The following GRM8 variants were observed in gnomAD, a reference collection of about 807,000 sequenced individuals.
GRM8 encodes glutamate metabotropic receptor 8.
A neutral mutation model predicts 87.2 loss-of-function variants in GRM8; 47 were observed. That is an observed-to-expected ratio of 0.54 (90% CI 0.43 to 0.69). GRM8 has a LOEUF of 0.69. GRM8 is among the 30% of genes least tolerant of loss of function. The probability of loss-of-function intolerance (pLI) is 0.00; values close to 1 mark genes in which losing one functional copy is unlikely to be tolerated. For synonymous variants in GRM8, 396 were observed against 404.5 expected, an observed-to-expected ratio of 0.98 and a Z score of 0.25; for missense variants, 1,019 against 1,139.2, an observed-to-expected ratio of 0.89 and a Z score of 1.52.
intron 6 of GRM8, among the ~76,000 whole-genome samples, chr7:126,783,949 G>C (rs1820363233): frequency 6.6e-6 from 1 of 152,172 alleles, no homozygotes; most frequent in Non-Finnish European, 1.5e-5. Context: ...TATAGCCTCA[G>C]ATCAAAAACT....
intron 1 of GRM8, among the ~76,000 whole-genome samples, chr7:127,251,375 A>C (rs1027048227): frequency 1.3e-5 from 2 of 151,968 alleles, no homozygotes; most frequent in African/African-American, 2.4e-5. Flanking sequence ...TTTTTTCACC[A>C]ACTGTACGAA....
intron 3 of GRM8, among the ~76,000 whole-genome samples, chr7:127,062,059 G>A (rs1245448123): frequency 2.0e-5 from 3 of 151,342 alleles, no homozygotes; most frequent in African/African-American, 7.3e-5. Flanking sequence ...CAGGAGAATT[G>A]CTTGAACCCA....
intron 3 of GRM8, among the ~76,000 whole-genome samples, chr7:127,088,266 T>C (rs1273225209): frequency 6.6e-6 from 1 of 152,168 alleles, no homozygotes; most frequent in Non-Finnish European, 1.5e-5. Context: ...GTCTGCATTC[T>C]GCCACAGATA....
chr7:126,641,115 T>C (rs986424221), intron 7 of GRM8, among the ~76,000 whole-genome samples: 1 of 152,202 alleles, frequency 6.6e-6, no homozygotes, highest in Non-Finnish European at 1.5e-5. Context: ...CATCAGCTTA[T>C]ATTTCATTTT....
intron 7 of GRM8, among the ~76,000 whole-genome samples, chr7:126,725,906 A>C (rs1812914508): frequency 6.6e-6 from 1 of 152,182 alleles, no homozygotes; most frequent in Non-Finnish European, 1.5e-5. Flanking sequence ...GCGAGAGCTC[A>C]CGTGTTATCA....
intron 1 of GRM8, among the ~76,000 whole-genome samples, chr7:127,249,788 C>G (rs1242621874): frequency 6.6e-6 from 1 of 152,174 alleles, no homozygotes; most frequent in Non-Finnish European, 1.5e-5. Flanking sequence ...GTGGCCGTCC[C>G]TATTGAATGA....
chr7:126,925,932 TC>T (rs1285721774), intron 3 of GRM8, among the ~76,000 whole-genome samples: 1 of 152,212 alleles, frequency 6.6e-6, no homozygotes, highest in Non-Finnish European at 1.5e-5. Context: ...CTTCTTATAT[TC>T]TGTTTTCTGT....
chr7:126,617,927 T>C (rs1157674009), intron 7 of GRM8, among the ~76,000 whole-genome samples: 1 of 151,686 alleles, frequency 6.6e-6, no homozygotes. Flanking sequence ...GGGAAGAAAA[T>C]ATCATGAAAA....
chr7:127,081,557 C>T (rs960684465), intron 3 of GRM8, among the ~76,000 whole-genome samples: 2 of 148,782 alleles, frequency 1.3e-5, no homozygotes, highest in East Asian at 1.9e-4. Flanking sequence ...ACCTGGAACC[C>T]GAAGTTAGAA....
chr7:126,473,855 A>G (rs2150567775), intron 9 of GRM8, among the ~76,000 whole-genome samples: 1 of 152,160 alleles, frequency 6.6e-6, no homozygotes, highest in East Asian at 1.9e-4. Context: ...TATAAAGGAC[A>G]GTTACCCTGA....
intron 3 of GRM8, among the ~76,000 whole-genome samples, chr7:126,916,236 C>T (rs576223932): frequency 2.7e-4 from 41 of 152,322 alleles, no homozygotes; most frequent in South Asian, 6.2e-4. Context: ...AAGCCCATTA[C>T]AGAATTAATA....
At chr7:126,602,861 G>A (rs1315751835) in intron 8 of GRM8, among the ~76,000 whole-genome samples, 1 of 133,900 alleles carries the variant, frequency 7.5e-6, no homozygotes. Flanking sequence ...TAGAAAAAGA[G>A]GGAATCCTCC....
chr7:127,055,177 T>C (rs1432594585), intron 3 of GRM8, among the ~76,000 whole-genome samples: 1 of 60,672 alleles, frequency 1.6e-5, no homozygotes, highest in African/African-American at 8.9e-5. Context: ...GGATATTCAA[T>C]TTCTTATACC....
intron 2 of GRM8, among the ~76,000 whole-genome samples, chr7:127,216,434 C>G (rs1209019259): frequency 6.9e-6 from 1 of 145,936 alleles, no homozygotes; most frequent in African/African-American, 2.6e-5. Context: ...AGGAGAATTT[C>G]TTGAACCCAG....
chr7:126,629,799 T>C (rs1801073573), intron 7 of GRM8, among the ~76,000 whole-genome samples: 2 of 152,306 alleles, frequency 1.3e-5, no homozygotes, highest in South Asian at 4.1e-4. Flanking sequence ...GTTTCTATTC[T>C]ACACTGCACG....
At chr7:126,601,160 C>T (rs1367758992) in intron 8 of GRM8, among the ~76,000 whole-genome samples, 1 of 150,242 alleles carries the variant, frequency 6.7e-6, no homozygotes, top group African/African-American at 2.5e-5. Context: ...CAATTCCCAC[C>T]TATGAGTGAG....
chr7:126,482,260 A>C (rs1048959882), intron 9 of GRM8, among the ~76,000 whole-genome samples: 4 of 152,150 alleles, frequency 2.6e-5, no homozygotes, highest in African/African-American at 7.2e-5. Flanking sequence ...CATAAAATTA[A>C]AAATAGAATT....
Position 126,533,588 on chromosome 7 carries a change from G to A in GRM8, c.1794C>T (p.Thr598=). Residue 598 remains threonine, a synonymous_variant, in exon 9 of 11, where the codon ACC becomes ACT. Transcript: ENST00000339582. The part of the protein sequence containing the change: ...VFVAILGIIA[T]TFVIVTFVRY... ...GGACAAAGGTCACGATCACAAAGGT[G>A]GTGGCGATGATTCCCAATATTGCAA... 1 of 1,614,050 alleles carries A rather than the reference G, an allele frequency of 6.2e-7. No individual in the cohort carries two copies. The highest frequency in any genetic ancestry group is 8.5e-7 in the Non-Finnish European group (1 of 1,179,978).
At chr7:126,786,899 T>G (rs1300134587) in intron 6 of GRM8, among the ~76,000 whole-genome samples, 1 of 152,202 alleles carries the variant, frequency 6.6e-6, no homozygotes, top group South Asian at 2.1e-4. Context: ...TGTTTTACTC[T>G]TAGTTAAGTT....
Sources: gnomAD v4.1 joint callset for allele counts (sites outside exome capture counted in the v4.1 genomes callset) on GRCh38, gnomAD v4.1.1 for gene constraint, MANE v1.5 for transcripts, NCBI Gene and HGNC (gene_info 2026-07-23, HGNC 2026-07-21) for gene names.